The following MYO5B variants were observed in gnomAD, a reference collection of about 807,000 sequenced individuals.
The protein encoded by MYO5B is unconventional myosin-Vb.
A neutral mutation model predicts 229.3 loss-of-function variants in MYO5B; 143 were observed. That is an observed-to-expected ratio of 0.62 (90% CI 0.54 to 0.72). MYO5B has a LOEUF of 0.72. MYO5B is among the 30% of genes least tolerant of loss of function. The pLI is 0.00. For missense variants in MYO5B, 2,321 were observed against 2,331.0 expected (o/e 1.00, Z 0.09); for synonymous variants, 918 against 885.2 (o/e 1.04, Z -0.66).
chr18:49,937,921 G>T (rs1228843913), intron 14 of MYO5B, among the ~76,000 whole-genome samples: 1 of 152,190 alleles, frequency 6.6e-6, no homozygotes, highest in East Asian at 1.9e-4. Flanking sequence ...TTTTAGTGGT[G>T]ATGACTGCAT....
chr18:49,899,056 C>A (rs903394422), intron 21 of MYO5B, among the ~76,000 whole-genome samples: 6 of 152,164 alleles, frequency 3.9e-5, no homozygotes, highest in African/African-American at 1.2e-4. Flanking sequence ...AAGCTATCAG[C>A]TCTGGTTGTG....
chr18:49,870,282 A>G (rs934471270), intron 27 of MYO5B, among the ~76,000 whole-genome samples: 83 of 152,350 alleles, frequency 5.4e-4, no homozygotes, highest in African/African-American at 1.9e-3. Flanking sequence ...ATCTTCAACA[A>G]AGATTAACTC....
chr18:50,056,760 T>G, intron 1 of MYO5B, among the ~76,000 whole-genome samples: 1 of 151,900 alleles, frequency 6.6e-6, no homozygotes, highest in East Asian at 1.9e-4. Context: ...GAGGCTTTTT[T>G]TTTTTTTTAA....
chr18:50,001,164 G>A (rs2026042404), intron 5 of MYO5B, 91 bp downstream of exon 5: 1 of 1,535,758 alleles, frequency 6.5e-7, no homozygotes, highest in Non-Finnish European at 9.0e-7. Flanking sequence ...GGAGAGGCGT[G>A]AAGGCTGCCA....
At chr18:49,858,729 A>G (rs2024292852) in intron 29 of MYO5B, among the ~76,000 whole-genome samples, 1 of 152,224 alleles carries the variant, frequency 6.6e-6, no homozygotes, top group South Asian at 2.1e-4. Context: ...GCCAGGCACT[A>G]TTGACAAAGA....
rs139542376 is a variant in MYO5B at position 49,937,395 on chromosome 18, G to A, written c.1755C>T (p.Phe585=). 1.9e-6 allele frequency: 3 copies of A among 1,613,742 alleles called. No homozygotes were observed. In the African/African-American group the frequency reaches 4.0e-5, roughly 22 times the overall value. Residue 585 remains phenylalanine, a splice_region_variant and synonymous_variant, in exon 15 of 40, where the codon TTC becomes TTT. Transcript: ENST00000285039. ...CATGAAACAAGTCAGCCACTAGTGG[G>A]AACTAGAAACAATCACAGGAAGAAT... ...EQINILKASK[F]PLVADLFHDD... is the part of the protein sequence containing the mutation.
chr18:50,034,723 G>A (rs561359642), intron 4 of MYO5B, among the ~76,000 whole-genome samples: 12 of 152,120 alleles, frequency 7.9e-5, no homozygotes, highest in East Asian at 3.9e-4. Flanking sequence ...CAGCCTGAGC[G>A]AAAGAGCGAA....
At chr18:49,936,374 G>C in intron 15 of MYO5B, 25 bp from the exon 16 acceptor site, 5 of 1,539,326 alleles carry the variant, frequency 3.2e-6, no homozygotes, top group Non-Finnish European at 4.4e-6. Context: ...GCCAGTGCTT[G>C]GTTAGTTTTA....
chr18:49,928,365 C>T (rs1598888368), intron 17 of MYO5B, among the ~76,000 whole-genome samples: 1 of 152,104 alleles, frequency 6.6e-6, no homozygotes, highest in East Asian at 1.9e-4. Context: ...CCATTTGGGC[C>T]AGGCATGGTG....
intron 18 of MYO5B, among the ~76,000 whole-genome samples, chr18:49,907,506 G>C (rs1598873959): frequency 6.6e-6 from 1 of 152,170 alleles, no homozygotes; most frequent in Non-Finnish European, 1.5e-5. Flanking sequence ...AGCACTGGGA[G>C]AGTAACCCAT....
chr18:50,145,721 G>C (rs1278506136), intron 1 of MYO5B, among the ~76,000 whole-genome samples: 1 of 151,978 alleles, frequency 6.6e-6, no homozygotes, highest in African/African-American at 2.4e-5. Context: ...AGTCAAAAGA[G>C]GTTGGAACTG....
At chr18:50,117,850 T>C (rs572791877) in intron 1 of MYO5B, among the ~76,000 whole-genome samples, 23 of 152,184 alleles carry the variant, frequency 1.5e-4, no homozygotes, top group South Asian at 1.0e-3. Flanking sequence ...CACCACCACA[T>C]AGTACGCCAT....
At chr18:50,086,096 T>A (rs1473838266) in intron 1 of MYO5B, among the ~76,000 whole-genome samples, 1 of 152,108 alleles carries the variant, frequency 6.6e-6, no homozygotes, top group African/African-American at 2.4e-5. Context: ...AGATTTTAAT[T>A]TTAAAATATG....
chr18:50,122,455 A>AAAAAAAAC (rs2032075164), intron 1 of MYO5B, among the ~76,000 whole-genome samples: 1 of 147,450 alleles, frequency 6.8e-6, no homozygotes, highest in African/African-American at 2.5e-5. Context: ...AAAAAAAAAA[A>AAAAAAAAC]AAAAAATCAG....
intron 1 of MYO5B, among the ~76,000 whole-genome samples, chr18:50,146,200 A>G (rs2032499753): frequency 6.6e-6 from 1 of 152,230 alleles, no homozygotes; most frequent in South Asian, 2.1e-4. Flanking sequence ...TATTTATGCC[A>G]GACACAATCT....
chr18:50,100,962 T>C (rs2031643436), intron 1 of MYO5B, among the ~76,000 whole-genome samples: 1 of 152,160 alleles, frequency 6.6e-6, no homozygotes, highest in African/African-American at 2.4e-5. Flanking sequence ...TATTTGGCAA[T>C]TGTTCCTTAA....
intron 2 of MYO5B, among the ~76,000 whole-genome samples, chr18:50,043,291 TTA>T (rs1197671304): frequency 1.1e-5 from 1 of 94,370 alleles, no homozygotes; most frequent in Non-Finnish European, 2.0e-5. Flanking sequence ...TATTTATATA[TTA>T]TATATAATAT....
At chr18:50,176,247 C>T (rs2032995009) in intron 1 of MYO5B, among the ~76,000 whole-genome samples, 1 of 152,178 alleles carries the variant, frequency 6.6e-6, no homozygotes. Context: ...TTGGAAATCC[C>T]TTGCACTGCC....
intron 7 of MYO5B, among the ~76,000 whole-genome samples, chr18:49,988,703 G>A (rs2144306883): frequency 6.6e-6 from 1 of 152,320 alleles, no homozygotes; most frequent in South Asian, 2.1e-4. Context: ...CTAGGCCTAT[G>A]TTCTGCTCTG....
Sources: allele counts gnomAD v4.1 joint callset (sites outside exome capture counted in the v4.1 genomes callset), GRCh38; gene constraint gnomAD v4.1.1; transcripts MANE v1.5; gene names NCBI Gene and HGNC (gene_info 2026-07-23, HGNC 2026-07-21).